Variants in SLC43A2 observed in about 807,000 individuals in gnomAD.
SLC43A2 encodes large neutral amino acids transporter small subunit 4.
SLC43A2 carries 38 observed loss-of-function variants against 63.2 expected under a neutral mutation model. The observed-to-expected ratio is 0.60, with a 90% CI of 0.46 to 0.79. The LOEUF is 0.79. SLC43A2 is among the 30% of genes least tolerant of loss of function. The pLI is 0.00. For missense variants in SLC43A2, 644 were observed against 756.2 expected, an observed-to-expected ratio of 0.85 and a Z score of 1.74; for synonymous variants, 322 against 331.0, an observed-to-expected ratio of 0.97 and a Z score of 0.30.
At chr17:1,595,498 C>T (rs1272341709) in intron 5 of SLC43A2, among the ~76,000 whole-genome samples, 1 of 151,926 alleles carries the variant, frequency 6.6e-6, no homozygotes, top group Non-Finnish European at 1.5e-5. Context: ...GGCTGGAATG[C>T]ACTGACATGC....
intron 5 of SLC43A2, among the ~76,000 whole-genome samples, chr17:1,604,054 T>G (rs1439829174): frequency 1.3e-5 from 2 of 152,198 alleles, no homozygotes; most frequent in Non-Finnish European, 2.9e-5. Context: ...ACTTATTTAT[T>G]TTTTGAGACA....
intron 2 of SLC43A2, 104 bp from the exon 3 acceptor site, chr17:1,616,873 G>A: frequency 1.5e-6 from 2 of 1,363,200 alleles, no homozygotes; most frequent in Non-Finnish European, 2.0e-6. Context: ...GGGAATGCCA[G>A]GGCTGGCTGG....
In SLC43A2 at chr17:1,575,420, G is replaced by A. The variant is rs992109462; in HGVS notation, c.*184C>T. The A allele has an allele frequency of 1.9e-5, 14 of 746,748 alleles. No homozygotes were observed. The highest frequency in any genetic ancestry group is 5.7e-5 in the Admixed American group (2 of 34,914). 46.3% of individuals were successfully genotyped at this position (746,748 alleles called of 1,614,324 possible). ...CCCTGCGTTCGGCAGGAGAAAACGCGCGTGTCCGGGGCCCTCTCCCGTCCT... is the reference window on the plus strand; with the variant it reads ...CCCTGCGTTCGGCAGGAGAAAACGCACGTGTCCGGGGCCCTCTCCCGTCCT... On this transcript the variant is annotated 3_prime_UTR_variant, in exon 14 of 14. Coordinates refer to ENST00000301335, the MANE Select transcript of SLC43A2 (RefSeq NM_152346.3).
chr17:1,595,109 T>C (rs528193874), intron 5 of SLC43A2, among the ~76,000 whole-genome samples: 97 of 151,902 alleles, frequency 6.4e-4, no homozygotes, highest in Admixed American at 1.3e-3. Context: ...GGCGAAACCC[T>C]GTCTCTACTA....
In SLC43A2 at chr17:1,606,795, C is replaced by T. The variant is rs767642437; in HGVS notation, c.501+6400G>A. ...GGAGTGACCTGGCGTCCGCCCTCCACGGATGGCACGCGATGGCCCAGGCCC... is the reference window on the plus strand; with the variant it reads ...GGAGTGACCTGGCGTCCGCCCTCCATGGATGGCACGCGATGGCCCAGGCCC... On this transcript the variant is annotated intron_variant, in intron 5 of 13. Coordinates refer to ENST00000301335, the MANE Select transcript of SLC43A2 (RefSeq NM_152346.3). This position sits in a 1 kb window ranked among gnomAD's most constrained non-coding sequence, Gnocchi z 4.7. Among the ~76,000 whole-genome samples, 6 of 152,252 alleles carry T rather than the reference C, an allele frequency of 3.9e-5. No homozygotes were observed. The highest frequency in any genetic ancestry group is 7.3e-5 in the Non-Finnish European group (5 of 68,032).
At chr17:1,576,492 C>G in intron 13 of SLC43A2, 105 bp downstream of exon 13, 5 of 1,313,790 alleles carry the variant, frequency 3.8e-6, no homozygotes, top group Non-Finnish European at 5.1e-6. Context: ...AACCAACGCT[C>G]CCACATGTCC....
chr17:1,587,115 T>TGCATTTTCCACC (rs1567617271), intron 9 of SLC43A2, among the ~76,000 whole-genome samples: 5 of 152,208 alleles, frequency 3.3e-5, no homozygotes, highest in African/African-American at 1.2e-4. Flanking sequence ...CATTTCCCAC[T>TGCATTTTCCACC]AAGCGTGACT....
In SLC43A2 at chr17:1,573,609, T is replaced by G. The variant is rs1173853032; in HGVS notation, c.*1995A>C. ...GAGTGTTCTCAGGAGTGGGCATGTT[T>G]ATCTCGTTCTCTTTTTTTTTTTCTT... On this transcript the variant is annotated 3_prime_UTR_variant, in exon 14 of 14. Coordinates refer to ENST00000301335, the MANE Select transcript of SLC43A2 (RefSeq NM_152346.3). The G allele has an allele frequency of 6.6e-6, 1 of 152,186 alleles. No homozygotes were observed. The highest frequency in any genetic ancestry group is 1.5e-5 in the Non-Finnish European group (1 of 68,052). The allele number at this position is 152,186 out of a possible 1,614,324, so 9.4% of individuals were successfully genotyped here. A position where few individuals can be genotyped will look rare whatever the true frequency, so the allele number is the denominator to read the frequency against.
At chr17:1,615,834 C>T (rs931559030) in intron 3 of SLC43A2, among the ~76,000 whole-genome samples, 25 of 124,750 alleles carry the variant, frequency 2.0e-4, no homozygotes, top group African/African-American at 6.1e-4. Flanking sequence ...CAGAGGGAGA[C>T]TCCATCTCAA....
rs564528411 is a variant in SLC43A2, at chr17:1,577,681, G to C, written c.1424+569C>G. Among the ~76,000 whole-genome samples the C allele has an allele frequency of 1.8e-4, 27 of 152,228 alleles. No homozygotes were observed. The highest frequency in any genetic ancestry group is 3.2e-4 in the Non-Finnish European group (22 of 68,028). On this transcript the variant is annotated intron_variant, in intron 12 of 13. Transcript: ENST00000301335. This position sits in a 1 kb window ranked among gnomAD's most constrained non-coding sequence, Gnocchi z 4.9. ...TTTTTGGGTCAAGGCCTGAGCCAGAGAAGAAGGAACCACTGTGGTTCCTTT... is the reference window on the plus strand; with the variant it reads ...TTTTTGGGTCAAGGCCTGAGCCAGACAAGAAGGAACCACTGTGGTTCCTTT...
Position 1,573,302 on chromosome 17 carries a change from G to A in SLC43A2, c.*2302C>T, listed in dbSNP as rs190498244. 1.8e-4 allele frequency: 27 copies of A among 152,236 alleles called. No individual in the cohort carries two copies. Among genetic ancestry groups the A allele is most frequent in the African/African-American group, 6.0e-4 (25 of 41,522 alleles). The allele number at this position is 152,236 out of a possible 1,614,324, so 9.4% of individuals were successfully genotyped here. A position where few individuals can be genotyped will look rare whatever the true frequency, so the allele number is the denominator to read the frequency against. On this transcript the variant is annotated 3_prime_UTR_variant, in exon 14 of 14. Coordinates refer to ENST00000301335, the MANE Select transcript of SLC43A2 (RefSeq NM_152346.3). ...CTCAAATGCTGGCAGCAGAGTCACC[G>A]GTCAGCGGCAAGACCTGGAGTCTCC...
chr17:1,608,817 G>C (rs1372614316), intron 5 of SLC43A2, among the ~76,000 whole-genome samples: 1 of 152,128 alleles, frequency 6.6e-6, no homozygotes, highest in Non-Finnish European at 1.5e-5. Context: ...GAATTTCAAG[G>C]GTGTGCACGG....
chr17:1,598,408 G>A (rs1330839451), intron 5 of SLC43A2, among the ~76,000 whole-genome samples: 13 of 147,086 alleles, frequency 8.8e-5, no homozygotes, highest in Middle Eastern at 3.4e-3. Flanking sequence ...GTGACAGAAC[G>A]AGACTCTGTC....
rs1422394886 is a variant in SLC43A2, at chr17:1,605,022, G to A, written c.501+8173C>T. 4.9e-6 allele frequency: 7 copies of A among 1,423,174 alleles called. No individual in the cohort carries two copies. The highest frequency in any genetic ancestry group is 6.4e-6 in the Non-Finnish European group (7 of 1,090,894). 88.2% of individuals were successfully genotyped at this position (1,423,174 alleles called of 1,614,324 possible). A position where few individuals can be genotyped will look rare whatever the true frequency, so the allele number is the denominator to read the frequency against. On this transcript the variant is annotated intron_variant, in intron 5 of 13. Transcript: ENST00000301335. This position sits in a 1 kb window ranked among gnomAD's most constrained non-coding sequence, Gnocchi z 4.9. ...AGGGGAAGGACCCCAGGAGGGGAAG[G>A]ACCAGCTTTGCTGCCAAGCAGGAAG...
In SLC43A2 at chr17:1,579,422, C is replaced by T. The variant is rs573944763; in HGVS notation, c.1351-1099G>A. Among the ~76,000 whole-genome samples, 24 of 149,274 alleles carry T rather than the reference C, an allele frequency of 1.6e-4. 1 individual carries two copies. In the South Asian group the frequency reaches 4.4e-3, roughly 28 times the overall value. On this transcript the variant is annotated intron_variant, in intron 11 of 13. Transcript: ENST00000301335. The stretch of plus-strand genomic sequence containing the variant: ...GTTGCGGTGAGCCGAGATAGCACCA[C>T]TGCACTCCAGCCTGGGTGACAGAGC...
intron 13 of SLC43A2, 101 bp downstream of exon 13, chr17:1,576,496 C>G: frequency 2.2e-6 from 3 of 1,347,636 alleles, no homozygotes; most frequent in Non-Finnish European, 3.0e-6. Context: ...AACGCTCCCA[C>G]ATGTCCTCGG....
chr17:1,613,397 C>T, intron 4 of SLC43A2, 126 bp from the exon 5 acceptor site: 1 of 750,030 alleles, frequency 1.3e-6, no homozygotes, highest in Non-Finnish European at 2.3e-6. Flanking sequence ...GGGGTTAGTA[C>T]CTGACATCTG....
chr17:1,621,838 T>C (rs1218859245), intron 2 of SLC43A2, among the ~76,000 whole-genome samples: 1 of 152,204 alleles, frequency 6.6e-6, no homozygotes, highest in East Asian at 1.9e-4. Context: ...TCTGTGCCGA[T>C]GCTGGCCTAC....
At chr17:1,612,602 T>C (rs1026546483) in intron 5 of SLC43A2, among the ~76,000 whole-genome samples, 1 of 152,228 alleles carries the variant, frequency 6.6e-6, no homozygotes, top group Non-Finnish European at 1.5e-5. Context: ...CGGCAGCGTT[T>C]TGTCTTCCTG....
Sources: allele counts gnomAD v4.1 joint callset (sites outside exome capture counted in the v4.1 genomes callset), GRCh38; gene constraint gnomAD v4.1.1; non-coding constraint Gnocchi (gnomAD v3.1); transcripts MANE v1.5; gene names NCBI Gene and HGNC (gene_info 2026-07-23, HGNC 2026-07-21).